Variants in PUM1 observed in about 807,000 individuals in gnomAD.
PUM1 encodes pumilio homolog 1.
A neutral mutation model predicts 131.8 loss-of-function variants in PUM1; 13 were observed. That is an observed-to-expected ratio of 0.10 (90% confidence interval 0.06 to 0.16). The LOEUF (loss-of-function observed/expected upper bound fraction) is 0.16, where lower values mean the gene tolerates loss of function less well. Ranked by LOEUF, PUM1 falls within the 10% of genes least tolerant of loss-of-function variation. PUM1 has a pLI of 1.00. For missense variants in PUM1, 961 were observed against 1,512.4 expected (o/e 0.64, Z 6.05); for synonymous variants, 509 against 556.5 (o/e 0.91, Z 1.20).
At chr1:30,976,357 G>C (rs535246100) in intron 9 of PUM1, among the ~76,000 whole-genome samples, 1 of 152,152 alleles carries the variant, frequency 6.6e-6, no homozygotes, top group Non-Finnish European at 1.5e-5. Context: ...TCTCCAAGTT[G>C]AACTTCCTTA....
chr1:31,055,498 G>T (rs1644216374), intron 2 of PUM1: 1 of 420,986 alleles, frequency 2.4e-6, no homozygotes, highest in African/African-American at 2.0e-5. Context: ...GTAACCTGTG[G>T]GTGGTCCACA....
chr1:31,009,412 T>G (rs990079573), intron 3 of PUM1, among the ~76,000 whole-genome samples: 1 of 152,194 alleles, frequency 6.6e-6, no homozygotes, highest in Non-Finnish European at 1.5e-5. Context: ...AAACCATTCT[T>G]GTCCTTTAAA....
At position 30,968,449 on chromosome 1, in the gene PUM1, T is replaced by C. The variant is rs771939648; in HGVS notation, c.1550A>G (p.Gln517Arg). ...ATCCGTTTGCTGTCCCTGCTGGTTCTGGTTTGGGGTCAAAGGACGTTGGCT... is the reference window on the plus strand; with the variant it reads ...ATCCGTTTGCTGTCCCTGCTGGTTCCGGTTTGGGGTCAAAGGACGTTGGCT... ...GASQRPLTPN[Q>R]NQQGQQTDPL... Residue 517 changes from glutamine (Q) to arginine (R), a missense_variant, in exon 11 of 22, where the codon CAG (glutamine) becomes CGG (arginine). Gln to Arg is a conservative substitution (Grantham distance 43, BLOSUM62 1). Coordinates refer to ENST00000426105, the MANE Select transcript of PUM1 (RefSeq NM_001020658.2). 6.3e-7 allele frequency: 1 copy of C among 1,596,442 alleles called. No homozygotes were observed. The highest frequency in any genetic ancestry group is 8.5e-7 in the Non-Finnish European group (1 of 1,175,120).
intron 3 of PUM1, among the ~76,000 whole-genome samples, chr1:31,017,291 T>A (rs999899200): frequency 6.6e-6 from 1 of 151,838 alleles, no homozygotes; most frequent in Admixed American, 6.6e-5. Flanking sequence ...AATAATGGAG[T>A]ATAGACTGCT....
At chr1:31,030,217 A>C (rs1643375660) in intron 2 of PUM1, among the ~76,000 whole-genome samples, 1 of 152,148 alleles carries the variant, frequency 6.6e-6, no homozygotes, top group South Asian at 2.1e-4. Flanking sequence ...TCAAAAAAAA[A>C]CAAAACAAAA....
rs1174565063 is a variant in PUM1, at chr1:30,989,571, C to CAAAAAAAAAAAA, written c.1158+2807_1158+2818dup. On this transcript the variant is annotated intron_variant, in intron 7 of 21. Transcript: ENST00000426105. ...TGGGCAAAAGAGTGAGACTCCGTCT[C>CAAAAAAAAAAAA]AAAAAAAAAAAAAAAAAAAAAAAAA... Among the ~76,000 whole-genome samples, 54 of 27,704 alleles carry CAAAAAAAAAAAA rather than the reference C, an allele frequency of 1.9e-3. 6 individuals are homozygous for CAAAAAAAAAAAA. Among genetic ancestry groups the CAAAAAAAAAAAA allele is most frequent in the African/African-American group, 3.0e-3 (22 of 7,410 alleles). 18.2% of individuals were successfully genotyped at this position (27,704 alleles called of 152,430 possible).
chr1:30,953,295 G>A (rs552940770), intron 15 of PUM1, among the ~76,000 whole-genome samples: 1 of 152,164 alleles, frequency 6.6e-6, no homozygotes, highest in African/African-American at 2.4e-5. Context: ...GACCAGATTC[G>A]CTTTCTGTGA....
At chr1:30,964,994 T>A (rs769798908) in intron 13 of PUM1, 84 bp from the exon 14 acceptor site, 11 of 1,159,466 alleles carry the variant, frequency 9.5e-6, no homozygotes, top group African/African-American at 1.5e-5. Flanking sequence ...AACACTTTGA[T>A]CCAGACTCCT....
rs527315794 is a variant in PUM1 at position 30,933,228 on chromosome 1, G to C, written c.3550C>G (p.Pro1184Ala). 1.9e-6 allele frequency: 3 copies of C among 1,613,222 alleles called. No homozygotes were observed. Among genetic ancestry groups the C allele is most frequent in the African/African-American group, 2.7e-5 (2 of 74,962 alleles). Residue 1184 changes from proline to alanine, a missense_variant, in exon 22 of 22, where the codon CCT (proline) becomes GCT (alanine). Around this residue, in one of 4 missense-constraint regions of PUM1, gnomAD observed 178 missense variants for 327.5 expected, o/e 0.54. Coordinates refer to ENST00000426105, the MANE Select transcript of PUM1 (RefSeq NM_001020658.2). ...GVDLGPICGP[P>A]NGII The stretch of plus-strand genomic sequence containing the variant: ...ACACTGCCTCAGATGATACCATTAG[G>C]GGGGCCACAGATGGGCCCTAAGTCA...
chr1:30,986,721 G>T (rs372393718), intron 7 of PUM1, among the ~76,000 whole-genome samples: 2 of 152,044 alleles, frequency 1.3e-5, no homozygotes, highest in African/African-American at 4.8e-5. Flanking sequence ...AAATTTGAAC[G>T]AAGTCAAATA....
At chr1:30,991,875 G>A (rs996677887) in intron 7 of PUM1, among the ~76,000 whole-genome samples, 15 of 152,188 alleles carry the variant, frequency 9.9e-5, no homozygotes, top group African/African-American at 3.4e-4. Flanking sequence ...TGAATGATTT[G>A]TGTGTGTGGT....
chr1:30,954,104 G>T, intron 14 of PUM1, 123 bp from the exon 15 acceptor site: 1 of 1,054,172 alleles, frequency 9.5e-7, no homozygotes, highest in South Asian at 1.6e-5. Context: ...TGTTGTTTTT[G>T]TGTCAAGACA....
rs531635703 is a variant in PUM1 at position 31,045,139 on chromosome 1, G to A, written c.363+14065C>T. ...AATGGATAAACTACAAATCTGTAAA[G>A]CTGCTTTTTTTTTTTTTGAGACGAA... On this transcript the variant is annotated intron_variant, in intron 2 of 21. Coordinates refer to ENST00000426105, the MANE Select transcript of PUM1 (RefSeq NM_001020658.2). 2.0e-5 allele frequency among the ~76,000 whole-genome samples: 3 copies of A among 149,692 alleles called. No individual in the cohort carries two copies. The South Asian group carries it at 6.3e-4, about 32-fold the overall frequency.
At chr1:31,031,199 G>A (rs998685184) in intron 2 of PUM1, among the ~76,000 whole-genome samples, 2 of 152,150 alleles carry the variant, frequency 1.3e-5, no homozygotes, top group East Asian at 3.8e-4. Flanking sequence ...CATTAACATT[G>A]ACAAAGCATG....
intron 2 of PUM1, among the ~76,000 whole-genome samples, chr1:31,032,119 A>G (rs921856270): frequency 6.6e-6 from 1 of 152,156 alleles, no homozygotes; most frequent in African/African-American, 2.4e-5. Context: ...TAAACCAGTC[A>G]CCCACGTTGA....
intron 3 of PUM1, among the ~76,000 whole-genome samples, chr1:31,013,813 C>A (rs1229111968): frequency 6.6e-6 from 1 of 152,210 alleles, no homozygotes; most frequent in Non-Finnish European, 1.5e-5. Flanking sequence ...CTCCATACCA[C>A]AGACTGTTGT....
chr1:30,936,552 A>G, intron 21 of PUM1, 91 bp downstream of exon 21: 1 of 1,281,354 alleles, frequency 7.8e-7, no homozygotes, highest in Admixed American at 2.5e-5. Context: ...AAACTCTTCA[A>G]AAACAGCAGG....
intron 15 of PUM1, 54 bp downstream of exon 15, chr1:30,953,660 C>CAGTTA (rs1457293066): frequency 1.3e-6 from 2 of 1,596,588 alleles, no homozygotes; most frequent in African/African-American, 2.7e-5. Flanking sequence ...TGAGCCAAGA[C>CAGTTA]AGTTAAGGCA....
At chr1:31,031,612 G>GC (rs1359280572) in intron 2 of PUM1, among the ~76,000 whole-genome samples, 1 of 152,108 alleles carries the variant, frequency 6.6e-6, no homozygotes, top group African/African-American at 2.4e-5. Context: ...CCACCAAGCT[G>GC]CCCCCTGGCA....
Sources: allele counts gnomAD v4.1 joint callset (sites outside exome capture counted in the v4.1 genomes callset), GRCh38; gene constraint gnomAD v4.1.1; regional missense constraint gnomAD v4.1.1; transcripts MANE v1.5; gene names NCBI Gene and HGNC (gene_info 2026-07-23, HGNC 2026-07-21).